Variants in ENOX1 observed in about 807,000 individuals in gnomAD.
ENOX1 encodes ecto-NOX disulfide-thiol exchanger 1, also known as candidate growth-related and time keeping constitutive hydroquinone (NADH) oxidase.
A neutral mutation model predicts 82.5 loss-of-function variants in ENOX1; 42 were observed. That is an observed-to-expected ratio of 0.51 (90% CI 0.40 to 0.66). ENOX1 has a LOEUF of 0.66. Among genes scored for constraint, ENOX1 ranks in the 30% least tolerant of loss-of-function variants. The pLI is 0.00. For synonymous variants in ENOX1, 271 were observed against 282.2 expected, an observed-to-expected ratio of 0.96 and a Z score of 0.40; for missense variants, 608 against 811.6, an observed-to-expected ratio of 0.75 and a Z score of 3.05.
At chr13:43,730,033 CG>C (rs2089240514) in intron 1 of ENOX1, among the ~76,000 whole-genome samples, 1 of 152,194 alleles carries the variant, frequency 6.6e-6, no homozygotes, top group Admixed American at 6.5e-5. Context: ...ACTCTATCTG[CG>C]GAAGATCTCC....
At chr13:43,710,950 T>G (rs2087658443) in intron 1 of ENOX1, among the ~76,000 whole-genome samples, 2 of 152,140 alleles carry the variant, frequency 1.3e-5, no homozygotes, top group Admixed American at 6.5e-5. Flanking sequence ...AGTTTTAGGT[T>G]ACATGTGCAC....
chr13:43,306,966 T>G (rs2046905601), intron 11 of ENOX1, among the ~76,000 whole-genome samples: 1 of 152,258 alleles, frequency 6.6e-6, no homozygotes, highest in Admixed American at 6.5e-5. Context: ...CATTGCTCTT[T>G]GCAAGGAGTA....
intron 1 of ENOX1, among the ~76,000 whole-genome samples, chr13:43,755,242 C>T (rs1228415964): frequency 2.0e-5 from 3 of 152,180 alleles, no homozygotes; most frequent in Non-Finnish European, 4.4e-5. Flanking sequence ...ATATGACCAT[C>T]ACTGTCAGAA....
At chr13:43,496,430 G>T (rs1195018843) in intron 2 of ENOX1, among the ~76,000 whole-genome samples, 1 of 151,638 alleles carries the variant, frequency 6.6e-6, no homozygotes, top group Non-Finnish European at 1.5e-5. Flanking sequence ...TGGTTGCCCA[G>T]GCTGGAGTGC....
At chr13:43,224,796 G>C (rs1445250646) in intron 15 of ENOX1, among the ~76,000 whole-genome samples, 1 of 152,136 alleles carries the variant, frequency 6.6e-6, no homozygotes, top group Non-Finnish European at 1.5e-5. Context: ...TAAATTATAA[G>C]GCTCTTCCAT....
intron 1 of ENOX1, among the ~76,000 whole-genome samples, chr13:43,728,399 C>G (rs1247535802): frequency 6.6e-6 from 1 of 152,096 alleles, no homozygotes; most frequent in Non-Finnish European, 1.5e-5. Context: ...CATATCATAC[C>G]CATTTTCCAG....
intron 1 of ENOX1, among the ~76,000 whole-genome samples, chr13:43,745,773 G>A (rs1949989870): frequency 6.6e-6 from 1 of 152,136 alleles, no homozygotes; most frequent in South Asian, 2.1e-4. Context: ...CATGGGGGCA[G>A]TCACCCTCAT....
At chr13:43,239,435 G>A (rs1225680032) in intron 14 of ENOX1, among the ~76,000 whole-genome samples, 1 of 152,196 alleles carries the variant, frequency 6.6e-6, no homozygotes, top group African/African-American at 2.4e-5. Context: ...CAGTATCATT[G>A]AAGCTGATCA....
chr13:43,690,928 C>A (rs79292905), intron 1 of ENOX1, among the ~76,000 whole-genome samples: 3,264 of 152,254 alleles, frequency 0.021, 113 homozygotes, highest in African/African-American at 0.072. Context: ...TTCGCCAACA[C>A]CATGTGTACA....
At chr13:43,317,189 C>T (rs1276136097) in intron 11 of ENOX1, among the ~76,000 whole-genome samples, 2 of 152,244 alleles carry the variant, frequency 1.3e-5, no homozygotes, top group African/African-American at 4.8e-5. Context: ...ATTCTCTTGT[C>T]CCTCTGCCAA....
chr13:43,603,335 G>A (rs930145375), intron 2 of ENOX1, among the ~76,000 whole-genome samples: 9 of 151,330 alleles, frequency 5.9e-5, no homozygotes, highest in African/African-American at 2.2e-4. Context: ...CAATGGGATG[G>A]CAAAATGGTT....
chr13:43,704,293 T>G (rs2087101033), intron 1 of ENOX1, among the ~76,000 whole-genome samples: 1 of 152,126 alleles, frequency 6.6e-6, no homozygotes, highest in Non-Finnish European at 1.5e-5. Context: ...ATAAATGGTA[T>G]AAGCCCACCA....
intron 1 of ENOX1, among the ~76,000 whole-genome samples, chr13:43,781,278 C>T (rs1436630766): frequency 6.6e-6 from 1 of 152,106 alleles, no homozygotes; most frequent in African/African-American, 2.4e-5. Flanking sequence ...AGAGATGATG[C>T]ATTAATTCCA....
chr13:43,487,171 CAA>C (rs79661442), intron 2 of ENOX1, among the ~76,000 whole-genome samples: 29 of 95,178 alleles, frequency 3.0e-4, no homozygotes, highest in Admixed American at 4.4e-4. Flanking sequence ...GACTCTGTCT[CAA>C]AAAAAAAAAA....
intron 16 of ENOX1, among the ~76,000 whole-genome samples, chr13:43,214,364 TG>T (rs1407748714): frequency 2.0e-5 from 3 of 152,166 alleles, no homozygotes; most frequent in Admixed American, 6.5e-5. Flanking sequence ...ACCCTTCATA[TG>T]GATGGCTACC....
intron 1 of ENOX1, among the ~76,000 whole-genome samples, chr13:43,737,793 A>C (rs548788587): frequency 1.3e-5 from 2 of 152,314 alleles, no homozygotes; most frequent in East Asian, 3.9e-4. Flanking sequence ...CTTGACTTTT[A>C]TTATTTAAAA....
chr13:43,471,935 T>C (rs1022824), intron 3 of ENOX1, among the ~76,000 whole-genome samples: 92,529 of 151,634 alleles, frequency 0.61, 28,349 homozygotes, highest in Non-Finnish European at 0.63. Flanking sequence ...TAAACTTCTT[T>C]AAACTATTTG....
chr13:43,735,274 G>T (rs772592918), intron 1 of ENOX1, among the ~76,000 whole-genome samples: 8 of 152,044 alleles, frequency 5.3e-5, no homozygotes, highest in Admixed American at 1.3e-4. Context: ...TTTCTAAACA[G>T]ACATAAAAAA....
chr13:43,530,534 C>A (rs1593657846), intron 2 of ENOX1, among the ~76,000 whole-genome samples: 1 of 152,216 alleles, frequency 6.6e-6, no homozygotes. Context: ...TATGCAACCC[C>A]AGGATTTGAA....
Sources: allele counts gnomAD v4.1 joint callset (sites outside exome capture counted in the v4.1 genomes callset), GRCh38; gene constraint gnomAD v4.1.1; transcripts MANE v1.5; gene names NCBI Gene and HGNC (gene_info 2026-07-23, HGNC 2026-07-21).